The following VWF variants were observed in gnomAD, a reference collection of about 807,000 sequenced individuals.
VWF encodes von Willebrand factor.
Under a neutral mutation model 308.6 loss-of-function variants are expected in VWF, and 176 were observed. The ratio of observed to expected loss-of-function variants is 0.57; its 90% CI spans 0.50 to 0.65. VWF has a LOEUF of 0.65. VWF is among the 30% of genes least tolerant of loss of function. VWF has a pLI of 0.00. For missense variants in VWF, 3,146 were observed against 3,648.2 expected, an observed-to-expected ratio of 0.86 and a Z score of 3.55; for synonymous variants, 1,385 against 1,443.4, an observed-to-expected ratio of 0.96 and a Z score of 0.92.
chr12:5,969,205 C>G lies in VWF; in HGVS notation c.7729+6G>C, dbSNP rs1227701881. 2 of 1,611,036 alleles carry G rather than the reference C, an allele frequency of 1.2e-6. No homozygotes were observed. Among genetic ancestry groups the G allele is most frequent in the Admixed American group, 1.7e-5 (1 of 59,490 alleles). ...GTCCAGCCCAGCCCCAGCCTGCATGCCTTACCACAGCGACAGCTTGGGCAG... is the reference window on the plus strand; with the variant it reads ...GTCCAGCCCAGCCCCAGCCTGCATGGCTTACCACAGCGACAGCTTGGGCAG... On this transcript the variant is annotated splice_donor_region_variant and intron_variant, in intron 45 of 51. Transcript: ENST00000261405.
chr12:5,964,236 ATACATACATACATGC>A (rs1260039837), intron 47 of VWF, among the ~76,000 whole-genome samples: 1 of 145,754 alleles, frequency 6.9e-6, no homozygotes, highest in African/African-American at 2.8e-5. Flanking sequence ...ACATACATAC[ATACATACATACATGC>A]ATACATACAT....
chr12:6,117,770 G>GCAC (rs1250206586), intron 3 of VWF, among the ~76,000 whole-genome samples: 2 of 152,154 alleles, frequency 1.3e-5, no homozygotes, highest in Non-Finnish European at 2.9e-5. Context: ...AGCCGAGATC[G>GCAC]CACCACTGCA....
chr12:6,025,801 T>C, intron 23 of VWF, 105 bp downstream of exon 23: 1 of 1,598,902 alleles, frequency 6.3e-7, no homozygotes, highest in Non-Finnish European at 8.6e-7. Context: ...CACCTGGAGG[T>C]CATACCACCC....
intron 38 of VWF, among the ~76,000 whole-genome samples, chr12:5,988,526 A>G (rs561445987): frequency 6.6e-6 from 1 of 152,334 alleles, no homozygotes; most frequent in South Asian, 2.1e-4. Context: ...AGAATAAATC[A>G]CACAATTTTC....
rs754603154 is a variant in VWF at position 6,044,402 on chromosome 12, G to A, written c.2331C>T (p.Pro777=). Residue 777 remains proline, a synonymous_variant, in exon 18 of 52, where the codon CCC becomes CCT. Transcript: ENST00000261405. The part of the protein sequence containing the change: ...CRPPMVKLVC[P]ADNLRAEGLE... ...GCCCTTCAGCCCGCAGGTTGTCAGC[G>A]GGACACACCAGCTTGACCATGGGGG... The A allele has an allele frequency of 3.3e-5, 54 of 1,614,090 alleles. No individual in the cohort carries two copies. The highest frequency in any genetic ancestry group is 1.6e-4 in the Middle Eastern group (1 of 6,084).
chr12:5,953,470 G>A (rs377310306), intron 48 of VWF, 26 bp downstream of exon 48: 3 of 1,599,158 alleles, frequency 1.9e-6, no homozygotes, highest in Non-Finnish European at 2.6e-6. Context: ...ATATGTGAGG[G>A]AGCCCTGCAT....
At chr12:6,089,600 C>T (rs914296210) in intron 6 of VWF, among the ~76,000 whole-genome samples, 15 of 152,112 alleles carry the variant, frequency 9.9e-5, no homozygotes, top group Non-Finnish European at 4.4e-5. Context: ...CTCCTCAACC[C>T]GACCTCAGGA....
intron 1 of VWF, 72 bp from the exon 2 acceptor site, chr12:6,123,268 G>C (rs892905267): frequency 6.5e-7 from 1 of 1,538,576 alleles, no homozygotes; most frequent in Admixed American, 1.7e-5. Context: ...GCGACTATCA[G>C]GGCATGCAGT....
chr12:6,044,574 G>A (rs1944428628), intron 17 of VWF, 123 bp from the exon 18 acceptor site: 5 of 1,237,434 alleles, frequency 4.0e-6, no homozygotes, highest in South Asian at 2.7e-5. Flanking sequence ...GCCCACTCAC[G>A]GGGACCAGCA....
chr12:6,084,274 T>G (rs73266824), intron 6 of VWF, among the ~76,000 whole-genome samples: 3,313 of 152,288 alleles, frequency 0.022, 127 homozygotes, highest in African/African-American at 0.074. Context: ...CTGGCAGGGA[T>G]GCAAAACAAG....
chr12:6,007,403 G>T (rs1943941287), intron 34 of VWF, among the ~76,000 whole-genome samples: 1 of 152,160 alleles, frequency 6.6e-6, no homozygotes, highest in African/African-American at 2.4e-5. Context: ...AATAAAATGA[G>T]ACATTGCTAA....
At chr12:5,958,468 G>A (rs11063956) in intron 47 of VWF, among the ~76,000 whole-genome samples, 38,444 of 152,078 alleles carry the variant, frequency 0.25, 5,207 homozygotes, top group South Asian at 0.33. Context: ...TAGGAAGATC[G>A]CTTGAGCCCA....
chr12:6,073,321 A>G (rs938872026), intron 8 of VWF, among the ~76,000 whole-genome samples: 1 of 152,136 alleles, frequency 6.6e-6, no homozygotes, highest in Non-Finnish European at 1.5e-5. Context: ...TAATTGAGAA[A>G]ACAGCTCAGC....
intron 6 of VWF, among the ~76,000 whole-genome samples, chr12:6,083,022 T>A (rs1257626092): frequency 6.6e-6 from 1 of 152,146 alleles, no homozygotes; most frequent in Non-Finnish European, 1.5e-5. Context: ...ATCACTTTCT[T>A]TTTTTAGATG....
chr12:5,949,961 T>TG, intron 50 of VWF, 78 bp from the exon 51 acceptor site: 5 of 1,348,198 alleles, frequency 3.7e-6, no homozygotes, highest in Non-Finnish European at 5.3e-6. Context: ...GTGCCCTCAC[T>TG]GGGCTGGAAA....
chr12:6,021,003 G>C (rs1007956874), intron 27 of VWF: 1 of 152,192 alleles, frequency 6.6e-6, no homozygotes, highest in Non-Finnish European at 1.5e-5. Flanking sequence ...TGCGCAGGTA[G>C]AGTCTTACTA....
At chr12:6,121,367 G>C in intron 2 of VWF, 29 bp from the exon 3 acceptor site, 1 of 1,611,376 alleles carries the variant, frequency 6.2e-7, no homozygotes, top group Non-Finnish European at 8.5e-7. Flanking sequence ...GGTTGGGCTG[G>C]TGATCTCAGG....
At chr12:6,085,679 C>T (rs1944960043) in intron 6 of VWF, among the ~76,000 whole-genome samples, 3 of 122,612 alleles carry the variant, frequency 2.4e-5, no homozygotes, top group South Asian at 5.4e-4. Context: ...CACATGGACA[C>T]AGGGAGGGGA....
intron 5 of VWF, among the ~76,000 whole-genome samples, chr12:6,105,515 C>T (rs563186586): frequency 8.6e-5 from 13 of 152,040 alleles, no homozygotes; most frequent in Non-Finnish European, 1.3e-4. Flanking sequence ...GGATTACAGG[C>T]GTGGGCCACC....
Sources: allele counts gnomAD v4.1 joint callset (sites outside exome capture counted in the v4.1 genomes callset), GRCh38; gene constraint gnomAD v4.1.1; transcripts MANE v1.5; gene names NCBI Gene and HGNC (gene_info 2026-07-23, HGNC 2026-07-21).